Variants in ITIH5 observed in about 807,000 individuals in gnomAD.
The protein encoded by ITIH5 is inter-alpha-trypsin inhibitor heavy chain H5.
In ITIH5, 65 loss-of-function variants were observed where a neutral mutation model predicts 77.5. The observed-to-expected ratio is 0.84, with a 90% CI of 0.69 to 1.03. The LOEUF (loss-of-function observed/expected upper bound fraction) is 1.03, where lower values mean the gene tolerates loss of function less well. Among genes scored for constraint, ITIH5 ranks in the 50% least tolerant of loss-of-function variants. The probability of loss-of-function intolerance (pLI) is 0.00; values close to 1 mark genes in which losing one functional copy is unlikely to be tolerated. For synonymous variants in ITIH5, 525 were observed against 494.3 expected (o/e 1.06, Z -0.82); for missense variants, 1,208 against 1,213.1 (o/e 1.00, Z 0.06).
intron 2 of ITIH5, among the ~76,000 whole-genome samples, chr10:7,653,764 C>G (rs1466585446): frequency 6.6e-6 from 1 of 152,164 alleles, no homozygotes; most frequent in East Asian, 1.9e-4. Flanking sequence ...GACTCAAATC[C>G]TGGCTCTACC....
Position 7,582,805 on chromosome 10 carries a change from A to C in ITIH5, c.1109-2741T>G, listed in dbSNP as rs192402103. Reference sequence around the variant, plus strand: ...AAAATTAAAACGATTGAACTTATGGAGATAAAGAGTAGAAGGATGGTTTCC... The same window carrying C: ...AAAATTAAAACGATTGAACTTATGGCGATAAAGAGTAGAAGGATGGTTTCC... On this transcript the variant is annotated intron_variant, in intron 8 of 13. Coordinates refer to ENST00000397146, the MANE Select transcript of ITIH5 (RefSeq NM_030569.7). 7.9e-3 allele frequency among the ~76,000 whole-genome samples: 1,204 copies of C among 152,242 alleles called. 13 individuals carry two copies. Among genetic ancestry groups the C allele is most frequent in the South Asian group, 0.034 (165 of 4,820 alleles).
chr10:7,605,536 CCA>C (rs112128712), intron 7 of ITIH5, among the ~76,000 whole-genome samples: 14,675 of 71,872 alleles, frequency 0.2, 930 homozygotes, highest in Middle Eastern at 0.36. Context: ...ACCTAGCACC[CCA>C]CCCCCAACAG....
chr10:7,602,894 G>A (rs944360370), intron 7 of ITIH5, among the ~76,000 whole-genome samples: 2 of 152,046 alleles, frequency 1.3e-5, no homozygotes, highest in African/African-American at 4.8e-5. Flanking sequence ...TCACCACTCT[G>A]GCTCAAGTTC....
At chr10:7,572,048 G>A in intron 11 of ITIH5, 2 of 1,011,122 alleles carry the variant, frequency 2.0e-6, no homozygotes, top group Non-Finnish European at 2.4e-6. Flanking sequence ...AAAAAGAGGG[G>A]AGGGTCAAAA....
chr10:7,656,957 T>C, intron 1 of ITIH5, among the ~76,000 whole-genome samples: 2 of 151,592 alleles, frequency 1.3e-5, no homozygotes, highest in African/African-American at 2.4e-5. Context: ...TTGGCCAGGC[T>C]GGTCTCGAAC....
chr10:7,582,193 C>T (rs1002953065), intron 8 of ITIH5, among the ~76,000 whole-genome samples: 23 of 152,100 alleles, frequency 1.5e-4, no homozygotes, highest in Admixed American at 6.6e-5. Flanking sequence ...CTTAAATTTA[C>T]TACTTTATGA....
Position 7,639,318 on chromosome 10 carries a change from G to A in ITIH5, c.401+1436C>T, listed in dbSNP as rs74720009. Among the ~76,000 whole-genome samples the A allele has an allele frequency of 2.8e-3, 428 of 152,266 alleles. 3 individuals are homozygous for A. The highest frequency in any genetic ancestry group is 9.8e-3 in the African/African-American group (406 of 41,556). ...GGCTGTGTGTAAAACCATCATTTCC[G>A]CCTGGACTGACAAGCAGACTAAAGA... On this transcript the variant is annotated intron_variant, in intron 4 of 13. Coordinates refer to ENST00000397146, the MANE Select transcript of ITIH5 (RefSeq NM_030569.7).
intron 8 of ITIH5, among the ~76,000 whole-genome samples, chr10:7,582,065 A>AT (rs556415974): frequency 1.9e-3 from 290 of 150,596 alleles, no homozygotes; most frequent in South Asian, 4.2e-3. Context: ...TTTAGTAGAG[A>AT]CGGGTTTCAC....
rs1833317342 is a variant in ITIH5, at chr10:7,614,230, A to G, written c.939+1752T>C. ...GGAAAGTCAAGAAAGCAGAAGGAAG[A>G]AAAAGTCAAAAATGGAGCAGTTGGC... On this transcript the variant is annotated intron_variant, in intron 7 of 13. Transcript: ENST00000397146. Among the ~76,000 whole-genome samples, 3 of 152,356 alleles carry G rather than the reference A, an allele frequency of 2.0e-5. No homozygotes were observed. The South Asian group carries it at 6.2e-4, about 32-fold the overall frequency.
chr10:7,564,317 T>C (rs990322798), intron 13 of ITIH5, among the ~76,000 whole-genome samples: 4 of 152,254 alleles, frequency 2.6e-5, no homozygotes, highest in Admixed American at 2.6e-4. Context: ...ATATTACATA[T>C]ATAGTAATCG....
intron 7 of ITIH5, among the ~76,000 whole-genome samples, chr10:7,594,313 A>G (rs752129188): frequency 6.6e-6 from 1 of 152,134 alleles, no homozygotes; most frequent in Admixed American, 6.5e-5. Flanking sequence ...CTTACCCTCA[A>G]TGCTCTTTCC....
intron 7 of ITIH5, among the ~76,000 whole-genome samples, chr10:7,596,328 T>C (rs1832896107): frequency 6.6e-6 from 1 of 152,166 alleles, no homozygotes; most frequent in Non-Finnish European, 1.5e-5. Context: ...CCAGTAAACA[T>C]TTCCCAAGTA....
At chr10:7,579,361 A>C (rs1832490876) in intron 9 of ITIH5, among the ~76,000 whole-genome samples, 1 of 152,178 alleles carries the variant, frequency 6.6e-6, no homozygotes, top group Non-Finnish European at 1.5e-5. Flanking sequence ...CCTTGTCTCT[A>C]CTAAAAATAC....
chr10:7,597,154 C>T (rs1210698590), intron 7 of ITIH5, among the ~76,000 whole-genome samples: 2 of 149,834 alleles, frequency 1.3e-5, no homozygotes, highest in South Asian at 2.1e-4. Flanking sequence ...CCCTAAGTTT[C>T]TGAAAGGTAA....
Position 7,579,243 on chromosome 10 carries a change from G to C in ITIH5, c.1418+512C>G, listed in dbSNP as rs557422350. 7.9e-5 allele frequency among the ~76,000 whole-genome samples: 12 copies of C among 152,284 alleles called. No homozygotes were observed. The South Asian group carries it at 2.5e-3, about 32-fold the overall frequency. On this transcript the variant is annotated intron_variant, in intron 9 of 13. Coordinates refer to ENST00000397146, the MANE Select transcript of ITIH5 (RefSeq NM_030569.7). ...ACAGACTGTCTTAAAATCTTGCTTA[G>C]GGCCGGGTGTGGTGGCTCACGCCCA...
intron 7 of ITIH5, among the ~76,000 whole-genome samples, chr10:7,597,426 T>C (rs1397699702): frequency 6.6e-6 from 1 of 152,224 alleles, no homozygotes; most frequent in African/African-American, 2.4e-5. Flanking sequence ...AGATTCTTAC[T>C]GCAACCTGAA....
chr10:7,569,484 T>C, intron 12 of ITIH5, 184 bp downstream of exon 12: 1 of 447,034 alleles, frequency 2.2e-6, no homozygotes, highest in Non-Finnish European at 4.0e-6. Context: ...ACGGCACTTG[T>C]CATAAAGCAG....
chr10:7,602,859 G>T (rs1055438411), intron 7 of ITIH5, among the ~76,000 whole-genome samples: 1 of 151,746 alleles, frequency 6.6e-6, no homozygotes, highest in Non-Finnish European at 1.5e-5. Context: ...CAGCTCCATC[G>T]TTCTTCCTTC....
Position 7,559,808 on chromosome 10 carries a change from G to T in ITIH5, c.*3275C>A, listed in dbSNP as rs7074077. Reference sequence around the variant, plus strand: ...TGGCCATCTTCTCATCGTATCCCCAGGTGGTGGAGAGGAAAAACACCATCT... The same window carrying T: ...TGGCCATCTTCTCATCGTATCCCCATGTGGTGGAGAGGAAAAACACCATCT... On this transcript the variant is annotated 3_prime_UTR_variant, in exon 14 of 14. Transcript: ENST00000397146. 1 of 454,178 alleles carries T rather than the reference G, an allele frequency of 2.2e-6. No individual in the cohort carries two copies. The allele number at this position is 454,178 out of a possible 1,614,324, so 28.1% of individuals were successfully genotyped here.
Sources: gnomAD v4.1 joint callset for allele counts (sites outside exome capture counted in the v4.1 genomes callset) on GRCh38, gnomAD v4.1.1 for gene constraint, MANE v1.5 for transcripts, NCBI Gene and HGNC (gene_info 2026-07-23, HGNC 2026-07-21) for gene names.